The following ZBTB20 variants were observed in gnomAD, a reference collection of about 807,000 sequenced individuals.
The protein encoded by ZBTB20 is zinc finger and BTB domain-containing protein 20.
ZBTB20 carries 9 observed loss-of-function variants against 56.9 expected under a neutral mutation model. That is an observed-to-expected ratio of 0.16 (90% confidence interval 0.10 to 0.28). The LOEUF (loss-of-function observed/expected upper bound fraction) is 0.28, where lower values mean the gene tolerates loss of function less well. Among genes scored for constraint, ZBTB20 ranks in the 10% least tolerant of loss-of-function variants. ZBTB20 has a pLI of 1.00. For missense variants in ZBTB20, 655 were observed against 1,003.0 expected, an observed-to-expected ratio of 0.65 and a Z score of 4.69; for synonymous variants, 417 against 420.7, an observed-to-expected ratio of 0.99 and a Z score of 0.11.
intron 2 of ZBTB20, among the ~76,000 whole-genome samples, chr3:114,992,374 AAAGTC>A (rs1199284697): frequency 6.6e-6 from 1 of 152,058 alleles, no homozygotes; most frequent in Non-Finnish European, 1.5e-5. Flanking sequence ...AAAACTATTA[AAAGTC>A]AAGACAGGGA....
At chr3:114,847,312 T>C (rs886217013) in intron 4 of ZBTB20, among the ~76,000 whole-genome samples, 1 of 151,294 alleles carries the variant, frequency 6.6e-6, no homozygotes, top group African/African-American at 2.4e-5. Context: ...AAACACTACA[T>C]GCTTCATAGT....
chr3:114,943,211 G>A (rs2076776392), intron 3 of ZBTB20, among the ~76,000 whole-genome samples: 2 of 145,392 alleles, frequency 1.4e-5, no homozygotes, highest in Non-Finnish European at 3.0e-5. Flanking sequence ...CACAAAGATG[G>A]AAACCCAACT....
chr3:115,090,175 C>G (rs2083134315), intron 1 of ZBTB20, among the ~76,000 whole-genome samples: 1 of 151,642 alleles, frequency 6.6e-6, no homozygotes, highest in African/African-American at 2.4e-5. Context: ...TAATAATCAA[C>G]TAAAGTCGAG....
At chr3:114,814,128 G>A (rs1044364321) in intron 4 of ZBTB20, among the ~76,000 whole-genome samples, 1 of 151,662 alleles carries the variant, frequency 6.6e-6, no homozygotes, top group Non-Finnish European at 1.5e-5. Flanking sequence ...AGCCCAATCT[G>A]TAAATGTAGG....
intron 5 of ZBTB20, among the ~76,000 whole-genome samples, chr3:114,761,608 G>A (rs1427658494): frequency 6.6e-6 from 1 of 152,132 alleles, no homozygotes; most frequent in Non-Finnish European, 1.5e-5. Context: ...GCTGAGCTGG[G>A]TGGATCACCT....
At chr3:114,507,322 C>T (rs1521261) in intron 6 of ZBTB20, among the ~76,000 whole-genome samples, 40,832 of 151,988 alleles carry the variant, frequency 0.27, 7,351 homozygotes, top group African/African-American at 0.52. Context: ...AGAGGCATCA[C>T]ATATGACAGA....
At chr3:114,910,277 A>G (rs1342081829) in intron 3 of ZBTB20, among the ~76,000 whole-genome samples, 1 of 151,578 alleles carries the variant, frequency 6.6e-6, no homozygotes, top group Non-Finnish European at 1.5e-5. Context: ...AGAAATTTAT[A>G]TAAACATACA....
chr3:114,440,708 T>A (rs2090856341), intron 7 of ZBTB20, among the ~76,000 whole-genome samples: 1 of 152,160 alleles, frequency 6.6e-6, no homozygotes. Context: ...TGGATACTGG[T>A]ACGAGTACTG....
intron 5 of ZBTB20, among the ~76,000 whole-genome samples, chr3:114,763,624 A>G (rs1221806231): frequency 6.6e-6 from 1 of 152,184 alleles, no homozygotes; most frequent in Non-Finnish European, 1.5e-5. Context: ...TCAGCTATAA[A>G]ATGAGAATAG....
intron 4 of ZBTB20, among the ~76,000 whole-genome samples, chr3:114,861,120 A>C (rs2075508376): frequency 6.6e-6 from 1 of 152,188 alleles, no homozygotes. Flanking sequence ...TCTAGGGTTT[A>C]GCATGCTTCT....
chr3:114,604,400 G>A (rs1031322681), intron 6 of ZBTB20, among the ~76,000 whole-genome samples: 12 of 151,916 alleles, frequency 7.9e-5, no homozygotes, highest in African/African-American at 2.9e-4. Context: ...GGTTACTAAT[G>A]GGAATAGAAA....
At chr3:115,007,051 T>A (rs960241384) in intron 2 of ZBTB20, among the ~76,000 whole-genome samples, 1 of 151,890 alleles carries the variant, frequency 6.6e-6, no homozygotes, top group African/African-American at 2.4e-5. Flanking sequence ...GAGTATTTGT[T>A]ATTTTTCTGC....
At position 114,901,221 on chromosome 3, in the gene ZBTB20, C is replaced by T. The variant is rs147729061; in HGVS notation, c.-455-879G>A. The stretch of plus-strand genomic sequence containing the variant: ...GGAGTTCGAGACTAGCCCGAGATTA[C>T]GCTATTGCACTCCAGCCTGGGTGAC... On this transcript the variant is annotated intron_variant, in intron 3 of 11. Transcript: ENST00000675478. Among the ~76,000 whole-genome samples, 1,260 of 151,552 alleles carry T rather than the reference C, an allele frequency of 8.3e-3. 18 individuals are homozygous for T. The highest frequency in any genetic ancestry group is 0.027 in the African/African-American group (1,111 of 41,294).
intron 6 of ZBTB20, among the ~76,000 whole-genome samples, chr3:114,674,480 A>C (rs2061522565): frequency 6.6e-6 from 1 of 152,220 alleles, no homozygotes; most frequent in South Asian, 2.1e-4. Flanking sequence ...AAAAGAAAAC[A>C]AGGGGAGGAA....
chr3:114,922,396 T>A (rs1015402441), intron 3 of ZBTB20, among the ~76,000 whole-genome samples: 7 of 151,952 alleles, frequency 4.6e-5, no homozygotes, highest in African/African-American at 1.7e-4. Flanking sequence ...GATGACATAA[T>A]CTTATATGTA....
At chr3:114,567,079 G>A (rs1435935287) in intron 6 of ZBTB20, among the ~76,000 whole-genome samples, 1 of 152,106 alleles carries the variant, frequency 6.6e-6, no homozygotes, top group African/African-American at 2.4e-5. Flanking sequence ...GCTGCACAGG[G>A]GGCTGTGTGT....
intron 5 of ZBTB20, among the ~76,000 whole-genome samples, chr3:114,780,668 A>T (rs1035092858): frequency 2.6e-5 from 4 of 152,126 alleles, no homozygotes; most frequent in Non-Finnish European, 4.4e-5. Context: ...TTGTATTTTT[A>T]GTATAGATGG....
intron 6 of ZBTB20, among the ~76,000 whole-genome samples, chr3:114,661,902 C>T (rs968014501): frequency 6.6e-6 from 1 of 150,594 alleles, no homozygotes. Context: ...GATTTTGCTT[C>T]TCTTTTTTTT....
At chr3:114,457,760 G>A (rs2092108385) in intron 7 of ZBTB20, among the ~76,000 whole-genome samples, 1 of 152,092 alleles carries the variant, frequency 6.6e-6, no homozygotes, top group African/African-American at 2.4e-5. Flanking sequence ...AGAAAACTGA[G>A]GTATAGAAAG....
Sources: allele counts gnomAD v4.1 joint callset (sites outside exome capture counted in the v4.1 genomes callset), GRCh38; gene constraint gnomAD v4.1.1; transcripts MANE v1.5; gene names NCBI Gene and HGNC (gene_info 2026-07-23, HGNC 2026-07-21).